Variants in PTGFRN observed in about 807,000 individuals in gnomAD.
PTGFRN encodes the protein prostaglandin F2 receptor negative regulator.
A neutral mutation model predicts 83.2 loss-of-function variants in PTGFRN; 35 were observed. The observed-to-expected ratio is 0.42, with a 90% CI of 0.32 to 0.56. The LOEUF is 0.56. PTGFRN is among the 20% of genes least tolerant of loss of function. The pLI is 0.11. For synonymous variants in PTGFRN, 519 were observed against 498.6 expected (o/e 1.04, Z -0.55); for missense variants, 1,051 against 1,179.5 (o/e 0.89, Z 1.60).
chr1:116,943,591 C>T (rs1003054148), intron 2 of PTGFRN, among the ~76,000 whole-genome samples: 13 of 152,170 alleles, frequency 8.5e-5, no homozygotes, highest in African/African-American at 2.7e-4. Flanking sequence ...AGGATCTGCC[C>T]GGCCTTCAGC....
intron 4 of PTGFRN, among the ~76,000 whole-genome samples, chr1:116,957,964 C>G (rs1184757158): frequency 1.3e-5 from 2 of 151,762 alleles, no homozygotes; most frequent in Non-Finnish European, 1.5e-5. Context: ...TTTTTTATGG[C>G]TGAATAGTAG....
At chr1:116,945,308 T>C (rs1650170896) in intron 3 of PTGFRN, among the ~76,000 whole-genome samples, 1 of 152,152 alleles carries the variant, frequency 6.6e-6, no homozygotes, top group Non-Finnish European at 1.5e-5. Flanking sequence ...GTCGTTTTGC[T>C]TCGCAGCTGC....
At chr1:116,947,272 C>T (rs974482555) in intron 3 of PTGFRN, among the ~76,000 whole-genome samples, 1 of 152,228 alleles carries the variant, frequency 6.6e-6, no homozygotes, top group Non-Finnish European at 1.5e-5. Flanking sequence ...TCCCCAGCCC[C>T]TCCTCCCTGT....
At chr1:116,947,966 C>A (rs1312660983) in intron 3 of PTGFRN, among the ~76,000 whole-genome samples, 6 of 152,218 alleles carry the variant, frequency 3.9e-5, no homozygotes, top group African/African-American at 1.4e-4. Flanking sequence ...TTGAACTTGA[C>A]TTGAAATATT....
intron 7 of PTGFRN, among the ~76,000 whole-genome samples, chr1:116,978,729 A>C (rs2101088624): frequency 6.6e-6 from 1 of 152,352 alleles, no homozygotes; most frequent in East Asian, 1.9e-4. Flanking sequence ...ATCTCAAAAT[A>C]ATAAGAACTA....
At position 116,954,736 on chromosome 1, in the gene PTGFRN, T is replaced by C. The variant is rs567079167; in HGVS notation, c.1213+5164T>C. Among the ~76,000 whole-genome samples the C allele has an allele frequency of 3.9e-4, 59 of 151,854 alleles. 1 individual carries two copies. The South Asian group carries it at 0.012, about 31-fold the overall frequency. ...ACGGAGCCAAAGCCTGTCCTATAAT[T>C]CTGCTCTCACACACTCTGCAAGGCC... On this transcript the variant is annotated intron_variant, in intron 4 of 8. Coordinates refer to ENST00000393203, the MANE Select transcript of PTGFRN (RefSeq NM_020440.4).
At chr1:116,972,596 T>C (rs1651034888) in intron 6 of PTGFRN, among the ~76,000 whole-genome samples, 1 of 152,232 alleles carries the variant, frequency 6.6e-6, no homozygotes, top group Non-Finnish European at 1.5e-5. Context: ...TTTCTGGCAA[T>C]CTGAACAAGA....
At chr1:116,920,268 T>G (rs1003263612) in intron 1 of PTGFRN, among the ~76,000 whole-genome samples, 1 of 152,246 alleles carries the variant, frequency 6.6e-6, no homozygotes, top group Admixed American at 6.5e-5. Context: ...ACCACCAGGC[T>G]AACTGGGCTT....
chr1:116,985,772 A>G (rs1418534575), intron 8 of PTGFRN, among the ~76,000 whole-genome samples: 2 of 151,596 alleles, frequency 1.3e-5, no homozygotes, highest in African/African-American at 4.8e-5. Context: ...ACGGAGCCCC[A>G]AGATGGGAGG....
chr1:116,922,172 C>T (rs995953280), intron 1 of PTGFRN, among the ~76,000 whole-genome samples: 5 of 152,090 alleles, frequency 3.3e-5, no homozygotes, highest in Non-Finnish European at 7.4e-5. Context: ...TGGAGAGGTC[C>T]GCTGGAGCTT....
rs1227825116 is a variant in PTGFRN at position 116,987,332 on chromosome 1, C to G, written c.*365C>G. ...GTGGTGAGGAAGGGGTGATGGCATG[C>G]GGAGTTCTTTATCTTCAGTGAGAAT... is the stretch of plus-strand genomic sequence containing the variant. On this transcript the variant is annotated 3_prime_UTR_variant, in exon 9 of 9. Coordinates refer to ENST00000393203, the MANE Select transcript of PTGFRN (RefSeq NM_020440.4). 1 of 222,612 alleles carries G rather than the reference C, an allele frequency of 4.5e-6. No homozygotes were observed. The highest frequency in any genetic ancestry group is 2.3e-5 in the African/African-American group (1 of 43,210). The allele number at this position is 222,612 out of a possible 1,614,324, so 13.8% of individuals were successfully genotyped here. A position where few individuals can be genotyped will look rare whatever the true frequency, so the allele number is the denominator to read the frequency against.
rs1650051111 is a variant in PTGFRN, at chr1:116,941,249, A to T, written c.50-466A>T. ...TCAGCAGGCTGCTCTAGGATTTAAA[A>T]ATTGGCATCCGTCATTGTAAATCAG... On this transcript the variant is annotated intron_variant, in intron 1 of 8. Coordinates refer to ENST00000393203, the MANE Select transcript of PTGFRN (RefSeq NM_020440.4). The surrounding 1 kb of genome is among the most constrained non-coding windows in gnomAD (Gnocchi z 5.0). 6.6e-6 allele frequency among the ~76,000 whole-genome samples: 1 copy of T among 152,238 alleles called. No homozygotes were observed. The highest frequency in any genetic ancestry group is 2.1e-4 in the South Asian group (1 of 4,834).
rs778454881 is a variant in PTGFRN at position 116,949,471 on chromosome 1, A to G, written c.1112A>G (p.Tyr371Cys). The G allele has an allele frequency of 3.1e-6, 5 of 1,614,234 alleles. No individual in the cohort carries two copies. Among genetic ancestry groups the G allele is most frequent in the Non-Finnish European group, 3.4e-6 (4 of 1,180,032 alleles). The change falls in exon 4 of 9, where the codon TAT becomes TGT. Residue 371 changes from tyrosine (Y) to cysteine (C), a missense_variant. Around this residue, in one of 3 missense-constraint regions of PTGFRN, gnomAD observed 719 missense variants for 836.6 expected, o/e 0.86. Transcript: ENST00000393203. ...GTTAGCAAAGAAAACTCTGGCTACT[A>G]TTACTGCCACGTGTCCCTGTGGGCA... Reference protein sequence around the residue: ...RDVSKENSGYYYCHVSLWAPG... With the variant: ...RDVSKENSGYCYCHVSLWAPG...
intron 3 of PTGFRN, 129 bp from the exon 4 acceptor site, chr1:116,949,063 A>C (rs1650267808): frequency 1.7e-6 from 2 of 1,155,434 alleles, no homozygotes; most frequent in Non-Finnish European, 2.4e-6. Flanking sequence ...AAGCACTTAC[A>C]ACTGTACAAA....
At chr1:116,974,148 A>C (rs1233778714) in intron 6 of PTGFRN, 68 bp from the exon 7 acceptor site, 2 of 1,224,104 alleles carry the variant, frequency 1.6e-6, no homozygotes, top group Non-Finnish European at 2.4e-6. Context: ...TGCCCCTTAG[A>C]GTGCAAAGAA....
chr1:116,941,682 T>G lies in PTGFRN; in HGVS notation c.50-33T>G, dbSNP rs755399110. 1.9e-6 allele frequency: 3 copies of G among 1,574,916 alleles called. No individual in the cohort carries two copies. The highest frequency in any genetic ancestry group is 2.6e-6 in the Non-Finnish European group (3 of 1,160,444). On this transcript the variant is annotated intron_variant, in intron 1 of 8. Coordinates refer to ENST00000393203, the MANE Select transcript of PTGFRN (RefSeq NM_020440.4). The surrounding 1 kb of genome is among the most constrained non-coding windows in gnomAD (Gnocchi z 5.0). The stretch of plus-strand genomic sequence containing the variant: ...TTGTCCTGGGAAGACTTTCTGTGAT[T>G]AAAGACCTGCCTTTCATCTTTTATC...
intron 1 of PTGFRN, among the ~76,000 whole-genome samples, chr1:116,929,508 C>CT (rs58264500): frequency 4.6e-5 from 7 of 152,070 alleles, no homozygotes; most frequent in African/African-American, 9.7e-5. Flanking sequence ...TCACAGTGAT[C>CT]TTTTTTTTCT....
At position 116,941,383 on chromosome 1, in the gene PTGFRN, T is replaced by G. The variant is rs1299329718; in HGVS notation, c.50-332T>G. On this transcript the variant is annotated intron_variant, in intron 1 of 8. Coordinates refer to ENST00000393203, the MANE Select transcript of PTGFRN (RefSeq NM_020440.4). The surrounding 1 kb of genome is among the most constrained non-coding windows in gnomAD (Gnocchi z 5.0). ...TTTATTTCACACAAAACCTAAAATA[T>G]TTTTACATCACATGGAGTGGTTAGG... 1.3e-5 allele frequency among the ~76,000 whole-genome samples: 2 copies of G among 152,136 alleles called. No homozygotes were observed. The highest frequency in any genetic ancestry group is 4.8e-5 in the African/African-American group (2 of 41,426).
At chr1:116,968,724 C>G (rs540036024) in intron 6 of PTGFRN, among the ~76,000 whole-genome samples, 1 of 152,258 alleles carries the variant, frequency 6.6e-6, no homozygotes, top group East Asian at 1.9e-4. Context: ...ATGCCCTTGC[C>G]CCTGGCAACC....
Sources: gnomAD v4.1 joint callset for allele counts (sites outside exome capture counted in the v4.1 genomes callset) on GRCh38, gnomAD v4.1.1 for gene constraint, gnomAD v4.1.1 regional missense constraint, Gnocchi (gnomAD v3.1) non-coding constraint, MANE v1.5 for transcripts, NCBI Gene and HGNC (gene_info 2026-07-23, HGNC 2026-07-21) for gene names.